The following CDK14 variants were observed in gnomAD, a reference collection of about 807,000 sequenced individuals.
The protein encoded by CDK14 is cyclin dependent kinase 14.
A neutral mutation model predicts 60.7 loss-of-function variants in CDK14; 34 were observed. The ratio of observed to expected loss-of-function variants is 0.56; its 90% CI spans 0.43 to 0.75. The LOEUF (loss-of-function observed/expected upper bound fraction) is 0.75, where lower values mean the gene tolerates loss of function less well. Ranked by LOEUF, CDK14 falls within the 30% of genes least tolerant of loss-of-function variation. CDK14 has a pLI of 0.00. For missense variants in CDK14, 482 were observed against 564.1 expected (o/e 0.85, Z 1.47); for synonymous variants, 197 against 203.7 (o/e 0.97, Z 0.28).
chr7:90,693,868 G>A (rs1801604210), intron 2 of CDK14, among the ~76,000 whole-genome samples: 1 of 152,156 alleles, frequency 6.6e-6, no homozygotes, highest in Admixed American at 6.6e-5. Context: ...TGACACCTTG[G>A]TCCTTGATTT....
intron 14 of CDK14, among the ~76,000 whole-genome samples, chr7:91,126,137 CG>C (rs1292216633): frequency 6.6e-6 from 1 of 152,142 alleles, no homozygotes; most frequent in Non-Finnish European, 1.5e-5. Context: ...TAACCATCTC[CG>C]GGATCATTCT....
At chr7:90,646,484 CT>C (rs1554426617) in intron 2 of CDK14, among the ~76,000 whole-genome samples, 20 of 151,832 alleles carry the variant, frequency 1.3e-4, no homozygotes, top group Non-Finnish European at 8.8e-5. Context: ...AGCTTTCCCC[CT>C]CACTTAAAAA....
At chr7:90,849,592 G>GCA (rs1042612071) in intron 5 of CDK14, among the ~76,000 whole-genome samples, 2 of 151,938 alleles carry the variant, frequency 1.3e-5, no homozygotes, top group African/African-American at 4.9e-5. Context: ...GAGAGGGTGG[G>GCA]GAGCCATAGC....
intron 2 of CDK14, among the ~76,000 whole-genome samples, chr7:90,674,265 C>G (rs1801154886): frequency 6.6e-6 from 1 of 152,160 alleles, no homozygotes; most frequent in South Asian, 2.1e-4. Flanking sequence ...TAGGAGTCAA[C>G]TAGAGTAGGA....
intron 2 of CDK14, among the ~76,000 whole-genome samples, chr7:90,606,462 C>A (rs186697767): frequency 3.3e-5 from 5 of 152,140 alleles, no homozygotes; most frequent in African/African-American, 1.2e-4. Flanking sequence ...ATCTTCATTG[C>A]CTTCATCATC....
chr7:90,771,724 C>A (rs1804791139), intron 4 of CDK14, among the ~76,000 whole-genome samples: 1 of 152,062 alleles, frequency 6.6e-6, no homozygotes, highest in Non-Finnish European at 1.5e-5. Flanking sequence ...TGAAGTGAAG[C>A]CTTGGCCTGG....
chr7:90,871,588 C>A (rs1045846903), intron 6 of CDK14, among the ~76,000 whole-genome samples: 5 of 152,154 alleles, frequency 3.3e-5, no homozygotes, highest in African/African-American at 9.7e-5. Flanking sequence ...ATTATGTTCA[C>A]TTCTTTGAAA....
intron 14 of CDK14, among the ~76,000 whole-genome samples, chr7:91,151,896 TC>T (rs1800837552): frequency 1.3e-5 from 2 of 152,196 alleles, no homozygotes; most frequent in South Asian, 4.1e-4. Context: ...AGTGAGGTAG[TC>T]TAAAGCAATG....
At chr7:91,200,413 C>T (rs1477485490) in intron 14 of CDK14, among the ~76,000 whole-genome samples, 2 of 152,120 alleles carry the variant, frequency 1.3e-5, no homozygotes, top group Admixed American at 1.3e-4. Flanking sequence ...TTAGGTAAAA[C>T]AATTTGTTTG....
At chr7:90,712,032 C>G (rs931883800) in intron 2 of CDK14, among the ~76,000 whole-genome samples, 1 of 150,168 alleles carries the variant, frequency 6.7e-6, no homozygotes, top group Admixed American at 6.7e-5. Context: ...CTACAGTCTA[C>G]TTTTAAAAAT....
intron 14 of CDK14, among the ~76,000 whole-genome samples, chr7:91,132,236 A>G (rs1800140028): frequency 6.6e-6 from 1 of 152,172 alleles, no homozygotes; most frequent in African/African-American, 2.4e-5. Flanking sequence ...CCAAAGGAAG[A>G]GATTTTGAAC....
chr7:91,035,271 G>T (rs1189391982), intron 10 of CDK14, among the ~76,000 whole-genome samples: 1 of 152,170 alleles, frequency 6.6e-6, no homozygotes, highest in Non-Finnish European at 1.5e-5. Context: ...TTAAACTAGT[G>T]CACTGTGTCT....
Position 90,605,312 on chromosome 7 carries a change from C to G in CDK14, c.123+1063C>G, listed in dbSNP as rs188093284. 7.2e-5 allele frequency among the ~76,000 whole-genome samples: 11 copies of G among 152,290 alleles called. No homozygotes were observed. The East Asian group carries it at 2.1e-3, about 29-fold the overall frequency. Reference sequence around the variant, plus strand: ...CGGTCTGCTGCTTCATCTGCTGCACCTGTTCTCTTTTTCCTGGGCTGAGCT... The same window carrying G: ...CGGTCTGCTGCTTCATCTGCTGCACGTGTTCTCTTTTTCCTGGGCTGAGCT... On this transcript the variant is annotated intron_variant, in intron 2 of 14. Transcript: ENST00000380050.
intron 2 of CDK14, among the ~76,000 whole-genome samples, chr7:90,689,176 G>A (rs1372165064): frequency 6.6e-6 from 1 of 152,166 alleles, no homozygotes; most frequent in Admixed American, 6.6e-5. Flanking sequence ...ATGGCTGAAT[G>A]TGGTTGAAGA....
intron 9 of CDK14, among the ~76,000 whole-genome samples, chr7:90,974,999 A>G (rs1054098760): frequency 6.6e-6 from 1 of 152,206 alleles, no homozygotes; most frequent in Admixed American, 6.5e-5. Context: ...AAAAGACCAA[A>G]TCTTTGTTCT....
intron 14 of CDK14, among the ~76,000 whole-genome samples, chr7:91,180,221 G>C (rs1801953461): frequency 6.6e-6 from 1 of 152,168 alleles, no homozygotes; most frequent in South Asian, 2.1e-4. Flanking sequence ...TGCTTATCAT[G>C]AAAGATGCTT....
intron 2 of CDK14, among the ~76,000 whole-genome samples, chr7:90,611,735 C>G (rs1387772761): frequency 2.0e-5 from 3 of 152,110 alleles, no homozygotes; most frequent in Non-Finnish European, 4.4e-5. Flanking sequence ...TTAAAAGGTG[C>G]AGGTTTAACT....
rs371726119 is a variant in CDK14, at chr7:90,757,653, G to T, written c.464+9878G>T. ...ACTCTGTCGCCCAGGCTGGAGTGCG[G>T]TGGTGCATGCAGTCTTGGCTCACTG... On this transcript the variant is annotated intron_variant, in intron 4 of 14. Coordinates refer to ENST00000380050, the MANE Select transcript of CDK14 (RefSeq NM_001287135.2). Among the ~76,000 whole-genome samples the T allele has an allele frequency of 1.3e-4, 19 of 151,790 alleles. No individual in the cohort carries two copies. The South Asian group carries it at 4.0e-3, about 32-fold the overall frequency.
chr7:90,816,194 T>TA (rs1299777860), intron 5 of CDK14, among the ~76,000 whole-genome samples: 3 of 152,180 alleles, frequency 2.0e-5, no homozygotes, highest in Non-Finnish European at 4.4e-5. Context: ...AAAATTCCTA[T>TA]AAACATAAAT....
Sources: allele counts gnomAD v4.1 joint callset (sites outside exome capture counted in the v4.1 genomes callset), GRCh38; gene constraint gnomAD v4.1.1; transcripts MANE v1.5; gene names NCBI Gene and HGNC (gene_info 2026-07-23, HGNC 2026-07-21).